Variants in COG6 observed in about 807,000 individuals in gnomAD.
COG6 encodes the protein conserved oligomeric Golgi complex subunit 6.
A neutral mutation model predicts 88.8 loss-of-function variants in COG6; 74 were observed. The observed-to-expected ratio is 0.83, with a 90% confidence interval of 0.69 to 1.01. The LOEUF (loss-of-function observed/expected upper bound fraction) is 1.01. Among genes scored for constraint, COG6 ranks in the 50% least tolerant of loss-of-function variants. The pLI, the probability that COG6 is intolerant of heterozygous loss-of-function variation, is 0.00. For synonymous variants in COG6, 286 were observed against 278.7 expected, an observed-to-expected ratio of 1.03 and a Z score of -0.26; for missense variants, 800 against 797.9, an observed-to-expected ratio of 1.00 and a Z score of -0.03.
At chr13:39,694,928 T>A (rs1877181473) in intron 12 of COG6, among the ~76,000 whole-genome samples, 1 of 148,696 alleles carries the variant, frequency 6.7e-6, no homozygotes, top group South Asian at 2.1e-4. Flanking sequence ...ATTTCCTTTC[T>A]CCTTTTTTCT....
intron 15 of COG6, among the ~76,000 whole-genome samples, chr13:39,721,982 T>C (rs1373642145): frequency 6.6e-6 from 1 of 152,102 alleles, no homozygotes; most frequent in Non-Finnish European, 1.5e-5. Context: ...GATTCAAACC[T>C]TTCTTTTGCT....
At chr13:39,700,130 TA>T (rs1239938141) in intron 13 of COG6, among the ~76,000 whole-genome samples, 1 of 151,856 alleles carries the variant, frequency 6.6e-6, no homozygotes, top group Non-Finnish European at 1.5e-5. Context: ...TCTAATATCT[TA>T]AATTGAGCAG....
intron 18 of COG6, among the ~76,000 whole-genome samples, chr13:39,780,264 C>T (rs1881590948): frequency 6.6e-6 from 1 of 152,154 alleles, no homozygotes; most frequent in South Asian, 2.1e-4. Flanking sequence ...TATCCCAACT[C>T]CTGATATCTG....
intron 4 of COG6, among the ~76,000 whole-genome samples, chr13:39,669,286 A>G (rs1404600645): frequency 6.6e-6 from 1 of 152,224 alleles, no homozygotes; most frequent in Non-Finnish European, 1.5e-5. Flanking sequence ...ATTTTTCTCT[A>G]AGTTAATGCT....
chr13:39,688,982 AACTT>A (rs1355657520), intron 10 of COG6, among the ~76,000 whole-genome samples: 1 of 152,216 alleles, frequency 6.6e-6, no homozygotes, highest in Non-Finnish European at 1.5e-5. Context: ...TGGTAATACT[AACTT>A]TATAGCTTCT....
chr13:39,728,571 T>G (rs1879263135), intron 18 of COG6, among the ~76,000 whole-genome samples: 1 of 152,244 alleles, frequency 6.6e-6, no homozygotes, highest in Non-Finnish European at 1.5e-5. Context: ...TTATATTGTA[T>G]TATTCTAAAA....
At position 39,752,275 on chromosome 13, in the gene COG6, A is replaced by G. The variant is rs1271813485; in HGVS notation, c.*1182A>G. On this transcript the variant is annotated 3_prime_UTR_variant, in exon 19 of 19. Coordinates refer to ENST00000455146, the MANE Select transcript of COG6 (RefSeq NM_020751.3). ...TTTTGAAAAGTAATAACATAAAACT[A>G]GTATTTGTAGAAGATTATGTGTTGT... The G allele has an allele frequency of 1.1e-5, 10 of 894,592 alleles. No individual in the cohort carries two copies. Among genetic ancestry groups the G allele is most frequent in the Non-Finnish European group, 1.3e-5 (9 of 671,896 alleles). The allele number at this position is 894,592 out of a possible 1,614,324, so 55.4% of individuals were successfully genotyped here. A position where few individuals can be genotyped will look rare whatever the true frequency, so the allele number is the denominator to read the frequency against.
intron 18 of COG6, among the ~76,000 whole-genome samples, chr13:39,741,284 GA>G (rs1481893767): frequency 6.6e-6 from 1 of 152,140 alleles, no homozygotes; most frequent in African/African-American, 2.4e-5. Flanking sequence ...GTAGGCTTCA[GA>G]AAGTCGATAA....
intron 13 of COG6, among the ~76,000 whole-genome samples, chr13:39,708,811 G>T (rs1368883224): frequency 6.6e-6 from 1 of 152,048 alleles, no homozygotes; most frequent in African/African-American, 2.4e-5. Context: ...TATTTCTTAG[G>T]TTACCTGAGA....
At chr13:39,725,438 C>T (rs1413051347) in intron 17 of COG6, among the ~76,000 whole-genome samples, 1 of 151,826 alleles carries the variant, frequency 6.6e-6, no homozygotes, top group Non-Finnish European at 1.5e-5. Context: ...CATAGATAGT[C>T]CTGTAGGAAG....
chr13:39,666,409 A>G (rs774545940), intron 4 of COG6, among the ~76,000 whole-genome samples: 1 of 152,154 alleles, frequency 6.6e-6, no homozygotes, highest in Admixed American at 6.5e-5. Flanking sequence ...TCTAAAAAAT[A>G]AATAAGTAAA....
rs548823702 is a variant in COG6, at chr13:39,704,293, C to T, written c.1284+4675C>T. On this transcript the variant is annotated intron_variant, in intron 13 of 18. Coordinates refer to ENST00000455146, the MANE Select transcript of COG6 (RefSeq NM_020751.3). ...ACCCCTGTGAAGTTGAAAAAATCTGCGTGTGACTTTCGACTCTCAAAATCT... is the reference window on the plus strand; with the variant it reads ...ACCCCTGTGAAGTTGAAAAAATCTGTGTGTGACTTTCGACTCTCAAAATCT... Among the ~76,000 whole-genome samples the T allele has an allele frequency of 1.1e-4, 16 of 152,224 alleles. No homozygotes were observed. The South Asian group carries it at 2.5e-3, about 24-fold the overall frequency.
intron 18 of COG6, among the ~76,000 whole-genome samples, chr13:39,736,646 G>A (rs575975360): frequency 1.1e-3 from 166 of 152,284 alleles, no homozygotes; most frequent in African/African-American, 3.5e-3. Context: ...AGCCGAGATC[G>A]TGCCATTGCA....
rs757163189 is a variant in COG6 at position 39,723,409 on chromosome 13, A to G, written c.1661A>G (p.Tyr554Cys). 1.3e-5 allele frequency: 21 copies of G among 1,607,512 alleles called. No individual in the cohort carries two copies. Among genetic ancestry groups the G allele is most frequent in the East Asian group, 8.9e-5 (4 of 44,818 alleles). ...VLTRVGLSYI[Y>C]NTVQQHKPEQ... ...ACTAGGGTAGGCTTGAGTTACATCT[A>G]TAACACTGTACAGCAACATAAACCT... The change falls in exon 16 of 19, where the codon TAT (tyrosine) becomes TGT (cysteine). Residue 554 changes from tyrosine to cysteine, a missense_variant. Coordinates refer to ENST00000455146, the MANE Select transcript of COG6 (RefSeq NM_020751.3).
intron 18 of COG6, among the ~76,000 whole-genome samples, chr13:39,782,582 C>A (rs952606302): frequency 1.3e-5 from 2 of 152,282 alleles, no homozygotes; most frequent in East Asian, 3.9e-4. Context: ...AAACCTCAAT[C>A]TCTCCTCATT....
intron 4 of COG6, among the ~76,000 whole-genome samples, chr13:39,675,421 C>G (rs1875910414): frequency 1.3e-5 from 2 of 152,258 alleles, no homozygotes; most frequent in East Asian, 3.9e-4. Flanking sequence ...GGAAAGAATA[C>G]ATGTGGTAAA....
chr13:39,713,521 G>A (rs1471964148), intron 13 of COG6, among the ~76,000 whole-genome samples: 2 of 152,136 alleles, frequency 1.3e-5, no homozygotes, highest in Non-Finnish European at 2.9e-5. Context: ...GGATCACGAG[G>A]TCAAGAGATC....
intron 4 of COG6, among the ~76,000 whole-genome samples, chr13:39,670,473 G>C (rs1434702195): frequency 6.6e-6 from 1 of 151,928 alleles, no homozygotes; most frequent in Non-Finnish European, 1.5e-5. Flanking sequence ...GAAACCTTGG[G>C]TAAGAGATTA....
chr13:39,761,473 G>T (rs1193084683), intron 18 of COG6, among the ~76,000 whole-genome samples: 1 of 151,906 alleles, frequency 6.6e-6, no homozygotes, highest in Non-Finnish European at 1.5e-5. Context: ...CCTGGCCTGG[G>T]TGAAGATTTT....
Sources: allele counts gnomAD v4.1 joint callset (sites outside exome capture counted in the v4.1 genomes callset), GRCh38; gene constraint gnomAD v4.1.1; transcripts MANE v1.5; gene names NCBI Gene and HGNC (gene_info 2026-07-23, HGNC 2026-07-21).